The following HERC6 variants were observed in gnomAD, a reference collection of about 807,000 sequenced individuals.
The protein encoded by HERC6 is probable E3 ubiquitin-protein ligase HERC6.
HERC6 carries 101 observed loss-of-function variants against 114.5 expected under a neutral mutation model. The observed-to-expected ratio is 0.88, with a 90% CI of 0.75 to 1.04. HERC6 has a LOEUF of 1.04. Ranked by LOEUF, HERC6 falls within the 50% of genes least tolerant of loss-of-function variation. HERC6 has a pLI of 0.00. For missense variants in HERC6, 1,133 were observed against 1,230.9 expected (o/e 0.92, Z 1.19); for synonymous variants, 408 against 436.2 (o/e 0.94, Z 0.81).
chr4:88,423,202 C>G (rs1435210130), intron 13 of HERC6, among the ~76,000 whole-genome samples: 1 of 151,680 alleles, frequency 6.6e-6, no homozygotes, highest in Admixed American at 6.6e-5. Context: ...TATTTCCCAC[C>G]TTCTATCATT....
rs1480011855 is a variant in HERC6, at chr4:88,378,963, C to A, written c.42C>A (p.Arg14=). Residue 14 remains arginine (R), a synonymous_variant, in exon 1 of 23, where the codon CGC becomes CGA. Coordinates refer to ENST00000264346, the MANE Select transcript of HERC6 (RefSeq NM_017912.4). Reference sequence around the variant, plus strand: ...GCGCCGACTCCAGGGAGCTGCAGCGCCGGAGGACGGCGGGCAGCCCCGGGG... The same window carrying A: ...GCGCCGACTCCAGGGAGCTGCAGCGACGGAGGACGGCGGGCAGCCCCGGGG... ...CWGADSRELQ[R]RRTAGSPGAE... The A allele has an allele frequency of 3.1e-6, 5 of 1,594,024 alleles. No individual in the cohort carries two copies. Among genetic ancestry groups the A allele is most frequent in the Non-Finnish European group, 3.4e-6 (4 of 1,171,446 alleles).
At chr4:88,410,620 AT>A (rs1213629554) in intron 11 of HERC6, among the ~76,000 whole-genome samples, 1 of 152,074 alleles carries the variant, frequency 6.6e-6, no homozygotes, top group East Asian at 1.9e-4. Context: ...ATACTATCAT[AT>A]TGGGGGTTAG....
In HERC6 at chr4:88,405,590, G is replaced by A. The variant is rs200928476; in HGVS notation, c.1251G>A (p.Leu417=). ...TGATATTTTCATCTCCTGCTTGTCT[G>A]ACTGCAAGTTTTTTAAAGAAAAGGT... The part of the protein sequence containing the change: ...IRMIFSSPAC[L]TASFLKKRGT... The change falls in exon 10 of 23, where the codon CTG becomes CTA. Residue 417 remains leucine (L), a synonymous_variant. Transcript: ENST00000264346. 928 of 1,536,008 alleles carry A rather than the reference G, an allele frequency of 6.0e-4. 3 individuals carry two copies. Among genetic ancestry groups the A allele is most frequent in the Middle Eastern group, 4.2e-3 (24 of 5,776 alleles).
At chr4:88,430,203 A>G (rs1027997033) in intron 16 of HERC6, among the ~76,000 whole-genome samples, 7 of 152,194 alleles carry the variant, frequency 4.6e-5, no homozygotes, top group Non-Finnish European at 1.0e-4. Flanking sequence ...TAAATTACCC[A>G]AAAAAGGATG....
intron 8 of HERC6, among the ~76,000 whole-genome samples, chr4:88,404,356 T>A (rs1735704657): frequency 6.6e-6 from 1 of 151,884 alleles, no homozygotes; most frequent in African/African-American, 2.4e-5. Context: ...CCCGGCTAAT[T>A]TTTTGTATTT....
intron 4 of HERC6, 70 bp downstream of exon 4, chr4:88,390,949 G>A: frequency 7.4e-7 from 1 of 1,343,992 alleles, no homozygotes; most frequent in Non-Finnish European, 1.0e-6. Context: ...CTTGGCAAAG[G>A]GCAGTCTTAA....
At chr4:88,397,293 G>A (rs1311566898) in intron 7 of HERC6, among the ~76,000 whole-genome samples, 2 of 151,474 alleles carry the variant, frequency 1.3e-5, no homozygotes, top group African/African-American at 2.4e-5. Context: ...TGTATTTTTA[G>A]TAGAGATGGG....
Position 88,440,529 on chromosome 4 carries a change from G to C in HERC6, c.2842+279G>C. The C allele has an allele frequency of 1.8e-5, 6 of 333,422 alleles. No homozygotes were observed. In the South Asian group the frequency reaches 3.6e-4, roughly 20 times the overall value. 20.7% of individuals were successfully genotyped at this position (333,422 alleles called of 1,614,324 possible). On this transcript the variant is annotated intron_variant, in intron 22 of 22. Transcript: ENST00000264346. Reference sequence around the variant, plus strand: ...GAAATGCAGGGTTTTTTATAGATGAGCTAGTGAGGAGGTGGTGTCTGATCT... The same window carrying C: ...GAAATGCAGGGTTTTTTATAGATGACCTAGTGAGGAGGTGGTGTCTGATCT...
At chr4:88,405,428 TAAGAG>T (rs1408397596) in intron 9 of HERC6, 121 bp from the exon 10 acceptor site, 1 of 508,648 alleles carries the variant, frequency 2.0e-6, no homozygotes. Context: ...GGGAGACTCT[TAAGAG>T]AGTAGTTATT....
chr4:88,435,511 G>A lies in HERC6; in HGVS notation c.2251-214G>A, dbSNP rs139244612. Among the ~76,000 whole-genome samples, 261 of 152,072 alleles carry A rather than the reference G, an allele frequency of 1.7e-3. 2 individuals carry two copies. The highest frequency in any genetic ancestry group is 3.7e-3 in the East Asian group (19 of 5,182). ...GATAAAATGAATTCATTTATTTAAT[G>A]TTCTGAACTATCAATTTGTATTCAA... On this transcript the variant is annotated intron_variant, in intron 17 of 22. Coordinates refer to ENST00000264346, the MANE Select transcript of HERC6 (RefSeq NM_017912.4).
chr4:88,424,670 T>C lies in HERC6; in HGVS notation c.1903T>C (p.Leu635=), dbSNP rs759630176. 1 of 1,610,134 alleles carries C rather than the reference T, an allele frequency of 6.2e-7. No homozygotes were observed. Among genetic ancestry groups the C allele is most frequent in the Admixed American group, 1.7e-5 (1 of 59,938 alleles). ...FIFNSLSKIK[L]LQADSHIKMQ... Reference sequence around the variant, plus strand: ...CTTTAATTCGCTATCCAAAATTAAATTATTGCAAGCTGATTCACATATAAA... The same window carrying C: ...CTTTAATTCGCTATCCAAAATTAAACTATTGCAAGCTGATTCACATATAAA... Residue 635 remains leucine (L), a synonymous_variant, in exon 15 of 23, where the codon TTA becomes CTA. Transcript: ENST00000264346.
Position 88,430,708 on chromosome 4 carries a change from G to GT in HERC6, c.2107-454_2107-453insT, listed in dbSNP as rs1184792074. On this transcript the variant is annotated intron_variant, in intron 16 of 22. Coordinates refer to ENST00000264346, the MANE Select transcript of HERC6 (RefSeq NM_017912.4). ...GGTCTCATGCCCAGGCAGACTGGGA[G>GT]GGCTGTTTTGCAGAAGCCCAAATAA... is the stretch of plus-strand genomic sequence containing the variant. Among the ~76,000 whole-genome samples the GT allele has an allele frequency of 7.9e-5, 12 of 152,292 alleles. 1 individual carries two copies. The South Asian group carries it at 2.5e-3, about 32-fold the overall frequency.
Position 88,396,937 on chromosome 4 carries a change from C to G in HERC6, c.974C>G (p.Pro325Arg). 1 of 1,612,454 alleles carries G rather than the reference C, an allele frequency of 6.2e-7. No homozygotes were observed. Among genetic ancestry groups the G allele is most frequent in the East Asian group, 2.2e-5 (1 of 44,818 alleles). The change falls in exon 7 of 23, where the codon CCG becomes CGG. Residue 325 changes from proline to arginine, a missense_variant. Physicochemically the swap from Pro to Arg is moderately radical, Grantham distance 103. This residue lies in a region of HERC6 where 735 missense variants were observed against 754.0 expected (regional missense o/e 0.97). Coordinates refer to ENST00000264346, the MANE Select transcript of HERC6 (RefSeq NM_017912.4). ...GPSDTSKPTHPEALTENFDIS... is the reference protein window; with the variant it reads ...GPSDTSKPTHREALTENFDIS... ...AGTGACACAAGCAAGCCAACTCATC[C>G]GGAGGCCCTGACAGAGAACTTTGAC...
At chr4:88,385,377 A>G (rs1050584023) in intron 2 of HERC6, 122 bp from the exon 3 acceptor site, 3 of 627,098 alleles carry the variant, frequency 4.8e-6, no homozygotes, top group Admixed American at 3.5e-5. Context: ...ATAGAAATAC[A>G]AGAAAATAAA....
intron 3 of HERC6, among the ~76,000 whole-genome samples, chr4:88,387,957 T>C (rs1734671284): frequency 6.6e-6 from 1 of 152,242 alleles, no homozygotes; most frequent in African/African-American, 2.4e-5. Flanking sequence ...GAAAGGTGAG[T>C]TCTCATAGAC....
intron 20 of HERC6, among the ~76,000 whole-genome samples, chr4:88,439,316 C>T (rs1739085208): frequency 6.6e-6 from 1 of 150,820 alleles, no homozygotes; most frequent in East Asian, 1.9e-4. Context: ...CAAGTCCAGC[C>T]TGGGCAACAC....
intron 22 of HERC6, among the ~76,000 whole-genome samples, chr4:88,441,962 G>A (rs908645031): frequency 6.6e-6 from 1 of 152,088 alleles, no homozygotes; most frequent in Non-Finnish European, 1.5e-5. Flanking sequence ...AATCCTTTAA[G>A]CTCCTAACCT....
intron 13 of HERC6, among the ~76,000 whole-genome samples, chr4:88,423,275 G>A (rs1737256104): frequency 6.6e-6 from 1 of 152,104 alleles, no homozygotes; most frequent in Non-Finnish European, 1.5e-5. Flanking sequence ...CCTCTAGGAA[G>A]CCTTCTTGAA....
chr4:88,402,646 C>T (rs372669178), intron 8 of HERC6, among the ~76,000 whole-genome samples: 5 of 152,008 alleles, frequency 3.3e-5, no homozygotes, highest in East Asian at 1.9e-4. Context: ...CCATGGGAAT[C>T]GTGGTATGAA....
Sources: allele counts gnomAD v4.1 joint callset (sites outside exome capture counted in the v4.1 genomes callset), GRCh38; gene constraint gnomAD v4.1.1; regional missense constraint gnomAD v4.1.1; transcripts MANE v1.5; gene names NCBI Gene and HGNC (gene_info 2026-07-23, HGNC 2026-07-21).